Variants in GLCE observed in about 807,000 individuals in gnomAD.
The protein encoded by GLCE is glucuronic acid epimerase.
Under a neutral mutation model 47.9 loss-of-function variants are expected in GLCE, and 19 were observed. The observed-to-expected ratio is 0.40, with a 90% CI of 0.28 to 0.58. The LOEUF (loss-of-function observed/expected upper bound fraction) is 0.58, where lower values mean the gene tolerates loss of function less well. GLCE is among the 20% of genes least tolerant of loss of function. The probability of loss-of-function intolerance (pLI) is 0.48; values close to 1 mark genes in which losing one functional copy is unlikely to be tolerated. For missense variants in GLCE, 556 were observed against 743.3 expected (o/e 0.75, Z 2.93); for synonymous variants, 245 against 263.4 (o/e 0.93, Z 0.68).
At chr15:69,180,316 C>T (rs956792119) in intron 1 of GLCE, among the ~76,000 whole-genome samples, 1 of 152,102 alleles carries the variant, frequency 6.6e-6, no homozygotes, top group African/African-American at 2.4e-5. Context: ...GCTCTAGGCT[C>T]TGTAAGTACC....
intron 2 of GLCE, among the ~76,000 whole-genome samples, chr15:69,230,026 A>T (rs1463561163): frequency 6.6e-6 from 1 of 152,086 alleles, no homozygotes; most frequent in African/African-American, 2.4e-5. Context: ...CCTGGCCAAC[A>T]TGGTGAAACC....
In GLCE at chr15:69,268,991, C is replaced by G; in HGVS notation, c.1601C>G (p.Ala534Gly). The G allele has an allele frequency of 6.2e-7, 1 of 1,614,158 alleles. No individual in the cohort carries two copies. The highest frequency in any genetic ancestry group is 1.3e-5 in the African/African-American group (1 of 75,048). The change falls in exon 5 of 5, where the codon GCA becomes GGA. Residue 534 changes from alanine (A) to glycine (G), a missense_variant. Ala to Gly is a moderately conservative substitution (Grantham distance 60). This residue lies in a region of GLCE where 245 missense variants were observed against 368.1 expected (regional missense o/e 0.67). Transcript: ENST00000261858. ...GCAGGGGAAAAACTCGGAAAAGAAG[C>G]AAGGTCCTTGTATGAGCGTGGCATG... ...ETAGEKLGKE[A>G]RSLYERGMES... is the part of the protein sequence containing the mutation.
At chr15:69,227,263 CCTGA>C (rs2052463073) in intron 2 of GLCE, among the ~76,000 whole-genome samples, 1 of 152,128 alleles carries the variant, frequency 6.6e-6, no homozygotes, top group African/African-American at 2.4e-5. Flanking sequence ...AGTAGATTAT[CCTGA>C]CTAACTAATA....
At chr15:69,179,150 C>T (rs1023294592) in intron 1 of GLCE, among the ~76,000 whole-genome samples, 4 of 152,032 alleles carry the variant, frequency 2.6e-5, no homozygotes, top group African/African-American at 9.7e-5. Context: ...GGGAATAGTT[C>T]CTTCTGAAGA....
At position 69,271,000 on chromosome 15, in the gene GLCE, C is replaced by T. The variant is rs1396071961; in HGVS notation, c.*1756C>T. 6.6e-6 allele frequency: 1 copy of T among 152,310 alleles called. No homozygotes were observed. The highest frequency in any genetic ancestry group is 1.5e-5 in the Non-Finnish European group (1 of 68,032). The allele number at this position is 152,310 out of a possible 1,614,324, so 9.4% of individuals were successfully genotyped here. Reference sequence around the variant, plus strand: ...ATGTTCAAAATAAACTTTCTCCAGTCTGGGAACCTTTTTTACTTCCCCATA... The same window carrying T: ...ATGTTCAAAATAAACTTTCTCCAGTTTGGGAACCTTTTTTACTTCCCCATA... On this transcript the variant is annotated 3_prime_UTR_variant, in exon 5 of 5. Transcript: ENST00000261858.
intron 2 of GLCE, among the ~76,000 whole-genome samples, chr15:69,251,230 A>G (rs1379326004): frequency 6.6e-6 from 1 of 152,136 alleles, no homozygotes; most frequent in African/African-American, 2.4e-5. Flanking sequence ...TCCAAGTGAA[A>G]CATTTTGGGC....
chr15:69,220,155 T>C (rs558018404), intron 2 of GLCE, among the ~76,000 whole-genome samples: 1 of 152,276 alleles, frequency 6.6e-6, no homozygotes, highest in Admixed American at 6.5e-5. Flanking sequence ...ATTTTGGCTA[T>C]TGTTAATAAT....
chr15:69,224,419 G>C (rs2052418078), intron 2 of GLCE, among the ~76,000 whole-genome samples: 1 of 152,106 alleles, frequency 6.6e-6, no homozygotes, highest in South Asian at 2.1e-4. Flanking sequence ...TTTAATGTCT[G>C]GCTCCCAAAA....
intron 1 of GLCE, among the ~76,000 whole-genome samples, chr15:69,183,443 G>A (rs1243194727): frequency 6.6e-6 from 1 of 152,200 alleles, no homozygotes; most frequent in Non-Finnish European, 1.5e-5. Flanking sequence ...ATCAGGCCTA[G>A]AGAGGCACTG....
At chr15:69,194,729 A>G (rs2140356311) in intron 1 of GLCE, among the ~76,000 whole-genome samples, 1 of 152,266 alleles carries the variant, frequency 6.6e-6, no homozygotes, top group African/African-American at 2.4e-5. Flanking sequence ...CTGTGTGCAG[A>G]AAGTAACCAT....
Position 69,270,663 on chromosome 15 carries a change from G to A in GLCE, c.*1419G>A, listed in dbSNP as rs1375834528. ...CATTTAGGAGCCAGGTAGGTTACCTGCTTACACACTATATTTTAATTGAAT... is the reference window on the plus strand; with the variant it reads ...CATTTAGGAGCCAGGTAGGTTACCTACTTACACACTATATTTTAATTGAAT... On this transcript the variant is annotated 3_prime_UTR_variant, in exon 5 of 5. Transcript: ENST00000261858. 4 of 152,114 alleles carry A rather than the reference G, an allele frequency of 2.6e-5. No homozygotes were observed. Among genetic ancestry groups the A allele is most frequent in the African/African-American group, 9.7e-5 (4 of 41,412 alleles). The allele number at this position is 152,114 out of a possible 1,614,324, so 9.4% of individuals were successfully genotyped here.
chr15:69,241,076 T>G lies in GLCE; in HGVS notation c.-13-14718T>G, dbSNP rs116245562. ...GTTAAAATCATCATCGTCGTCGTCA[T>G]CATCATCATCATGATCATCAGGCAT... On this transcript the variant is annotated intron_variant, in intron 2 of 4. Transcript: ENST00000261858. Among the ~76,000 whole-genome samples the G allele has an allele frequency of 2.8e-3, 419 of 152,224 alleles. 1 individual carries two copies. The highest frequency in any genetic ancestry group is 9.7e-3 in the African/African-American group (402 of 41,552).
At chr15:69,218,862 A>G (rs1396521571) in intron 2 of GLCE, among the ~76,000 whole-genome samples, 2 of 152,164 alleles carry the variant, frequency 1.3e-5, no homozygotes, top group Non-Finnish European at 2.9e-5. Context: ...CAGTAAAAAT[A>G]CTCATCTCAA....
chr15:69,197,817 A>G (rs750416746), intron 1 of GLCE, among the ~76,000 whole-genome samples: 3 of 152,170 alleles, frequency 2.0e-5, no homozygotes, highest in Non-Finnish European at 2.9e-5. Context: ...TTTGGTGTGT[A>G]GAGTTAAGAG....
chr15:69,207,923 TTTTG>T (rs892074551), intron 1 of GLCE, among the ~76,000 whole-genome samples: 35 of 151,702 alleles, frequency 2.3e-4, no homozygotes, highest in African/African-American at 4.3e-4. Context: ...TACCAGTTGT[TTTTG>T]TTTGTTTGTT....
chr15:69,225,284 A>G (rs2140395505), intron 2 of GLCE, among the ~76,000 whole-genome samples: 1 of 152,240 alleles, frequency 6.6e-6, no homozygotes, highest in South Asian at 2.1e-4. Flanking sequence ...TGTATGCAGT[A>G]AGCTAGGCAT....
At chr15:69,258,445 A>G (rs541815697) in intron 3 of GLCE, among the ~76,000 whole-genome samples, 1 of 152,238 alleles carries the variant, frequency 6.6e-6, no homozygotes, top group African/African-American at 2.4e-5. Context: ...ATTTCCCCTC[A>G]CTGAATATTT....
At chr15:69,252,722 T>C (rs2052862767) in intron 2 of GLCE, among the ~76,000 whole-genome samples, 1 of 152,148 alleles carries the variant, frequency 6.6e-6, no homozygotes. Context: ...ATGTAAGGCG[T>C]AGCTGACAGA....
intron 1 of GLCE, among the ~76,000 whole-genome samples, chr15:69,205,214 A>G (rs2052133941): frequency 6.6e-6 from 1 of 151,948 alleles, no homozygotes; most frequent in South Asian, 2.1e-4. Flanking sequence ...TGTCTTTTCA[A>G]AAATGGTCAT....
Sources: allele counts gnomAD v4.1 joint callset (sites outside exome capture counted in the v4.1 genomes callset), GRCh38; gene constraint gnomAD v4.1.1; regional missense constraint gnomAD v4.1.1; transcripts MANE v1.5; gene names NCBI Gene and HGNC (gene_info 2026-07-23, HGNC 2026-07-21).